Variants in PTPRT observed in about 807,000 individuals in gnomAD.
The protein encoded by PTPRT is protein tyrosine phosphatase receptor type T, also known as receptor-type tyrosine-protein phosphatase T.
PTPRT carries 56 observed loss-of-function variants against 176.8 expected under a neutral mutation model. That is an observed-to-expected ratio of 0.32 (90% CI 0.26 to 0.40). The LOEUF (loss-of-function observed/expected upper bound fraction) is 0.40, where lower values mean the gene tolerates loss of function less well. Among genes scored for constraint, PTPRT ranks in the 10% least tolerant of loss-of-function variants. PTPRT has a pLI of 1.00. For missense variants in PTPRT, 1,540 were observed against 1,908.2 expected, an observed-to-expected ratio of 0.81 and a Z score of 3.60; for synonymous variants, 783 against 739.0, an observed-to-expected ratio of 1.06 and a Z score of -0.96.
chr20:42,315,476 C>G (rs1327619472), intron 12 of PTPRT, among the ~76,000 whole-genome samples: 1 of 152,114 alleles, frequency 6.6e-6, no homozygotes, highest in Non-Finnish European at 1.5e-5. Context: ...ATATCTTAGG[C>G]TTTGTGGAGC....
At chr20:42,580,369 A>G (rs2073349303) in intron 7 of PTPRT, among the ~76,000 whole-genome samples, 1 of 151,916 alleles carries the variant, frequency 6.6e-6, no homozygotes, top group Non-Finnish European at 1.5e-5. Context: ...TTGGCTTAGG[A>G]TTGACTTGGT....
intron 1 of PTPRT, among the ~76,000 whole-genome samples, chr20:43,017,148 C>T (rs544271601): frequency 2.3e-4 from 35 of 152,306 alleles, no homozygotes; most frequent in African/African-American, 8.4e-4. Context: ...CTACTCCTTG[C>T]CCCAACCTAA....
chr20:42,761,293 G>A (rs1231608959), intron 5 of PTPRT, among the ~76,000 whole-genome samples: 1 of 152,010 alleles, frequency 6.6e-6, no homozygotes, highest in East Asian at 1.9e-4. Context: ...AATTAGCCGG[G>A]CATGGTGGCG....
chr20:42,518,375 G>C (rs2072108076), intron 7 of PTPRT, among the ~76,000 whole-genome samples: 1 of 151,788 alleles, frequency 6.6e-6, no homozygotes, highest in Non-Finnish European at 1.5e-5. Flanking sequence ...CTTTGTTTTA[G>C]ATATATTTCT....
At chr20:42,453,873 A>G (rs1272720144) in intron 8 of PTPRT, among the ~76,000 whole-genome samples, 1 of 143,682 alleles carries the variant, frequency 7.0e-6, no homozygotes, top group Non-Finnish European at 1.5e-5. Context: ...TAATTTTTGT[A>G]TTTTCAGAAG....
intron 18 of PTPRT, among the ~76,000 whole-genome samples, chr20:42,139,539 A>G (rs538930672): frequency 7.2e-5 from 11 of 152,340 alleles, no homozygotes; most frequent in Admixed American, 2.0e-4. Flanking sequence ...GAACTTCAGG[A>G]GAACGGTGAA....
chr20:43,030,126 C>G (rs6030611), intron 1 of PTPRT, among the ~76,000 whole-genome samples: 3,824 of 152,216 alleles, frequency 0.025, 171 homozygotes, highest in African/African-American at 0.087. Context: ...TAATTAAGCA[C>G]CTACTAAAAA....
intron 7 of PTPRT, among the ~76,000 whole-genome samples, chr20:42,627,295 A>AT (rs920013734): frequency 1.3e-5 from 2 of 151,056 alleles, no homozygotes; most frequent in African/African-American, 4.9e-5. Flanking sequence ...TTTATTTTTT[A>AT]TTTTTTTAAG....
intron 7 of PTPRT, among the ~76,000 whole-genome samples, chr20:42,493,540 C>T (rs1474087617): frequency 1.3e-5 from 2 of 151,954 alleles, no homozygotes; most frequent in African/African-American, 2.4e-5. Flanking sequence ...GATGAGGAAA[C>T]GAGGGCTTAG....
chr20:42,183,960 T>C (rs907171741), intron 16 of PTPRT, among the ~76,000 whole-genome samples: 2 of 152,268 alleles, frequency 1.3e-5, no homozygotes, highest in Middle Eastern at 3.4e-3. Context: ...GGTAGATGTA[T>C]AGGGAGAGAG....
chr20:42,263,065 C>T (rs1035829719), intron 13 of PTPRT, among the ~76,000 whole-genome samples: 3 of 151,904 alleles, frequency 2.0e-5, no homozygotes, highest in Admixed American at 6.6e-5. Flanking sequence ...TCAGTTTGAA[C>T]GGGTTACAGG....
chr20:42,926,268 C>A (rs1386696204), intron 1 of PTPRT, among the ~76,000 whole-genome samples: 2 of 152,216 alleles, frequency 1.3e-5, no homozygotes, highest in Admixed American at 6.5e-5. Flanking sequence ...TGCATCCACC[C>A]CTCTCTCCTG....
chr20:42,890,723 C>T (rs567553519), intron 1 of PTPRT, among the ~76,000 whole-genome samples: 1 of 152,160 alleles, frequency 6.6e-6, no homozygotes, highest in Admixed American at 6.5e-5. Context: ...AGGCCCCAGA[C>T]GTTGCTGCAG....
chr20:43,038,582 T>A (rs1243215889), intron 1 of PTPRT, among the ~76,000 whole-genome samples: 1 of 152,204 alleles, frequency 6.6e-6, no homozygotes, highest in Non-Finnish European at 1.5e-5. Context: ...ATTATTTAAC[T>A]TCATTCTAGA....
intron 5 of PTPRT, among the ~76,000 whole-genome samples, chr20:42,759,392 G>A (rs946132752): frequency 2.6e-5 from 4 of 152,214 alleles, no homozygotes; most frequent in East Asian, 1.9e-4. Context: ...TGGGCTGGGC[G>A]TGGTGGCTCA....
chr20:42,713,017 A>C (rs1423075513), intron 6 of PTPRT, among the ~76,000 whole-genome samples: 1 of 152,218 alleles, frequency 6.6e-6, no homozygotes, highest in Non-Finnish European at 1.5e-5. Context: ...GAAAAAAATA[A>C]AGCCAAAAGA....
chr20:42,477,835 CT>C (rs2071317585), intron 7 of PTPRT, among the ~76,000 whole-genome samples: 2 of 152,152 alleles, frequency 1.3e-5, no homozygotes. Context: ...CTGGATGCAC[CT>C]TCTGTATGCT....
intron 1 of PTPRT, among the ~76,000 whole-genome samples, chr20:43,056,906 C>T (rs1568758135): frequency 1.3e-5 from 2 of 152,210 alleles, no homozygotes; most frequent in South Asian, 2.1e-4. Context: ...AATTTTTCCT[C>T]AAGCGTCCTT....
chr20:42,245,662 T>C (rs2056436244), intron 14 of PTPRT, among the ~76,000 whole-genome samples: 1 of 152,202 alleles, frequency 6.6e-6, no homozygotes, highest in Non-Finnish European at 1.5e-5. Context: ...GTCTTCTAGT[T>C]CTGTGTCATA....
Sources: gnomAD v4.1 joint callset for allele counts (sites outside exome capture counted in the v4.1 genomes callset) on GRCh38, gnomAD v4.1.1 for gene constraint, MANE v1.5 for transcripts, NCBI Gene and HGNC (gene_info 2026-07-23, HGNC 2026-07-21) for gene names.